LHFPL3: variants seen among roughly 807,000 people sequenced by gnomAD.
The protein encoded by LHFPL3 is LHFPL tetraspan subfamily member 3.
LHFPL3 carries 5 observed loss-of-function variants against 19.3 expected under a neutral mutation model. That is an observed-to-expected ratio of 0.26 (90% CI 0.14 to 0.54). The LOEUF (loss-of-function observed/expected upper bound fraction) is 0.54. Ranked by LOEUF, LHFPL3 falls within the 20% of genes least tolerant of loss-of-function variation. The pLI, the probability that LHFPL3 is intolerant of heterozygous loss-of-function variation, is 0.94. For missense variants in LHFPL3, 249 were observed against 307.4 expected, an observed-to-expected ratio of 0.81 and a Z score of 1.42; for synonymous variants, 133 against 126.2, an observed-to-expected ratio of 1.05 and a Z score of -0.36.
chr7:104,402,642 T>G (rs1791336401), intron 1 of LHFPL3, among the ~76,000 whole-genome samples: 1 of 152,150 alleles, frequency 6.6e-6, no homozygotes, highest in Non-Finnish European at 1.5e-5. Context: ...GAGGGAGAGG[T>G]GGGGTGACCC....
chr7:104,461,187 G>C (rs1051102985), intron 1 of LHFPL3, among the ~76,000 whole-genome samples: 1 of 152,128 alleles, frequency 6.6e-6, no homozygotes, highest in African/African-American at 2.4e-5. Context: ...GGAGTCAAGG[G>C]GAAGCCCCGT....
chr7:104,694,996 C>G (rs1792971927), intron 1 of LHFPL3, among the ~76,000 whole-genome samples: 1 of 152,208 alleles, frequency 6.6e-6, no homozygotes, highest in Non-Finnish European at 1.5e-5. Flanking sequence ...TGCAGAAGGG[C>G]TATTTGTCAT....
intron 1 of LHFPL3, among the ~76,000 whole-genome samples, chr7:104,473,145 A>T (rs533192919): frequency 2.0e-5 from 3 of 152,232 alleles, no homozygotes; most frequent in Non-Finnish European, 4.4e-5. Flanking sequence ...ATGAAATATA[A>T]ATCCTACCAA....
chr7:104,721,973 C>T (rs1200059208), intron 1 of LHFPL3, among the ~76,000 whole-genome samples: 5 of 152,056 alleles, frequency 3.3e-5, no homozygotes, highest in Non-Finnish European at 5.9e-5. Flanking sequence ...GTATCAGAAG[C>T]CATCTAGTGG....
chr7:104,393,159 A>T (rs1251956474), intron 1 of LHFPL3, among the ~76,000 whole-genome samples: 2 of 152,190 alleles, frequency 1.3e-5, no homozygotes, highest in Non-Finnish European at 2.9e-5. Context: ...AAAAAGTCAG[A>T]AAATAATAAA....
intron 1 of LHFPL3, among the ~76,000 whole-genome samples, chr7:104,626,955 T>C (rs1791556653): frequency 6.6e-6 from 1 of 152,166 alleles, no homozygotes; most frequent in African/African-American, 2.4e-5. Context: ...AATTAACATA[T>C]CCATTACTTC....
chr7:104,650,863 G>T (rs151270033), intron 1 of LHFPL3, among the ~76,000 whole-genome samples: 1 of 152,204 alleles, frequency 6.6e-6, no homozygotes, highest in Non-Finnish European at 1.5e-5. Flanking sequence ...TTTCTATGGG[G>T]CATCACTAAG....
intron 2 of LHFPL3, among the ~76,000 whole-genome samples, chr7:104,855,573 C>T (rs1183757625): frequency 6.6e-6 from 1 of 152,036 alleles, no homozygotes; most frequent in Non-Finnish European, 1.5e-5. Context: ...CAAAAGAATA[C>T]CCTTCTGGAT....
rs1440334124 is a variant in LHFPL3, at chr7:104,906,225, A to G, written c.*10A>G. ...ATATTCTCTAGAATGAGCACAAAAC[A>G]AATCGAATAACAGCTAAACAAATCG... On this transcript the variant is annotated 3_prime_UTR_variant, in exon 3 of 3. Coordinates refer to ENST00000424859, the MANE Select transcript of LHFPL3 (RefSeq NM_199000.3). The G allele has an allele frequency of 6.8e-6, 11 of 1,606,640 alleles. No individual in the cohort carries two copies. Among genetic ancestry groups the G allele is most frequent in the Non-Finnish European group, 9.4e-6 (11 of 1,176,416 alleles).
At chr7:104,637,253 T>C (rs947517754) in intron 1 of LHFPL3, among the ~76,000 whole-genome samples, 1 of 152,218 alleles carries the variant, frequency 6.6e-6, no homozygotes, top group Non-Finnish European at 1.5e-5. Context: ...TAAATTTGTT[T>C]AAGTTCCTCA....
At chr7:104,491,324 A>AGGTGT (rs1390399234) in intron 1 of LHFPL3, among the ~76,000 whole-genome samples, 1 of 152,108 alleles carries the variant, frequency 6.6e-6, no homozygotes, top group African/African-American at 2.4e-5. Flanking sequence ...ATGTGGGTAT[A>AGGTGT]GGTGTGTTCC....
intron 2 of LHFPL3, among the ~76,000 whole-genome samples, chr7:104,815,010 T>C (rs1790538298): frequency 6.6e-6 from 1 of 152,142 alleles, no homozygotes; most frequent in South Asian, 2.1e-4. Flanking sequence ...GGCTCCCACC[T>C]GCTCTATGGA....
At chr7:104,398,793 C>T (rs928126745) in intron 1 of LHFPL3, among the ~76,000 whole-genome samples, 1 of 152,124 alleles carries the variant, frequency 6.6e-6, no homozygotes, top group African/African-American at 2.4e-5. Context: ...TTCTGTTCTT[C>T]GCTGGCAGAT....
chr7:104,443,883 C>A (rs550571957), intron 1 of LHFPL3, among the ~76,000 whole-genome samples: 3 of 152,262 alleles, frequency 2.0e-5, no homozygotes, highest in Admixed American at 2.0e-4. Flanking sequence ...GAGGAGAGCA[C>A]AACAGAAATT....
intron 1 of LHFPL3, among the ~76,000 whole-genome samples, chr7:104,356,625 A>T (rs942607345): frequency 2.6e-5 from 4 of 152,184 alleles, no homozygotes; most frequent in African/African-American, 9.7e-5. Flanking sequence ...AAGACTGAAG[A>T]TGGACTCTCT....
chr7:104,723,488 G>C (rs1404152889), intron 1 of LHFPL3, among the ~76,000 whole-genome samples: 1 of 152,024 alleles, frequency 6.6e-6, no homozygotes, highest in Non-Finnish European at 1.5e-5. Context: ...TTGGGAGGCA[G>C]AGGTGGGTGG....
intron 2 of LHFPL3, among the ~76,000 whole-genome samples, chr7:104,844,908 T>C (rs1199517571): frequency 6.6e-6 from 1 of 152,122 alleles, no homozygotes; most frequent in East Asian, 1.9e-4. Flanking sequence ...CCCAGCTAAA[T>C]TTTGTATTTT....
At chr7:104,776,218 T>C (rs780328792) in intron 2 of LHFPL3, among the ~76,000 whole-genome samples, 1 of 152,248 alleles carries the variant, frequency 6.6e-6, no homozygotes, top group Non-Finnish European at 1.5e-5. Flanking sequence ...TGAAATTATA[T>C]GCCCACACTG....
intron 2 of LHFPL3, among the ~76,000 whole-genome samples, chr7:104,812,343 T>C (rs1790485556): frequency 6.6e-6 from 1 of 152,134 alleles, no homozygotes; most frequent in Non-Finnish European, 1.5e-5. Context: ...AGTCATGCAA[T>C]GGAAATCTAT....
Sources: gnomAD v4.1 joint callset for allele counts (sites outside exome capture counted in the v4.1 genomes callset) on GRCh38, gnomAD v4.1.1 for gene constraint, MANE v1.5 for transcripts, NCBI Gene and HGNC (gene_info 2026-07-23, HGNC 2026-07-21) for gene names.